Variants in AGTPBP1 observed in about 807,000 individuals in gnomAD.
AGTPBP1 encodes ATP/GTP binding carboxypeptidase 1.
A neutral mutation model predicts 143.9 loss-of-function variants in AGTPBP1; 70 were observed. The ratio of observed to expected loss-of-function variants is 0.49; its 90% confidence interval spans 0.40 to 0.59. AGTPBP1 has a LOEUF of 0.59. AGTPBP1 is among the 20% of genes least tolerant of loss of function. The pLI, the probability that AGTPBP1 is intolerant of heterozygous loss-of-function variation, is 0.00. For missense variants in AGTPBP1, 1,229 were observed against 1,464.5 expected (o/e 0.84, Z 2.62); for synonymous variants, 463 against 500.2 (o/e 0.93, Z 0.99).
intron 14 of AGTPBP1, among the ~76,000 whole-genome samples, chr9:85,628,202 T>G (rs1451326228): frequency 6.6e-6 from 1 of 152,194 alleles, no homozygotes; most frequent in Admixed American, 6.5e-5. Flanking sequence ...CTAAGTAATA[T>G]GAATAGAATC....
chr9:85,582,104 A>T (rs1019398308), intron 23 of AGTPBP1, among the ~76,000 whole-genome samples: 2 of 152,260 alleles, frequency 1.3e-5, no homozygotes, highest in Non-Finnish European at 2.9e-5. Flanking sequence ...TTGCAAAAAC[A>T]GTACAAAGAA....
At chr9:85,773,020 C>G in the AGTPBP1 span, among the ~76,000 whole-genome samples, 1 of 151,582 alleles carries the variant, frequency 6.6e-6, no homozygotes, top group South Asian at 2.1e-4. Flanking sequence ...AATCCCAGCA[C>G]TTTGGGAGGC....
At chr9:85,582,443 G>A (rs1000295297) in intron 23 of AGTPBP1, among the ~76,000 whole-genome samples, 3 of 152,114 alleles carry the variant, frequency 2.0e-5, no homozygotes, top group Admixed American at 6.5e-5. Flanking sequence ...TTGGGAGGCC[G>A]AGGCAGGCGG....
intron 17 of AGTPBP1, among the ~76,000 whole-genome samples, chr9:85,605,910 T>C (rs76032081): frequency 0.017 from 2,519 of 149,814 alleles, 30 homozygotes; most frequent in Middle Eastern, 0.056. Flanking sequence ...ACACAGAAAA[T>C]AAAAAAAGAA....
chr9:85,579,543 C>T (rs1246605241), intron 23 of AGTPBP1, among the ~76,000 whole-genome samples: 2 of 151,088 alleles, frequency 1.3e-5, no homozygotes, highest in African/African-American at 2.4e-5. Flanking sequence ...TTATCAGTTT[C>T]ACCCGAAAGC....
intron 17 of AGTPBP1, among the ~76,000 whole-genome samples, chr9:85,618,529 C>T (rs1830725367): frequency 6.7e-6 from 1 of 150,238 alleles, no homozygotes; most frequent in Non-Finnish European, 1.5e-5. Context: ...AATTTATACA[C>T]AATGACCAAG....
chr9:85,696,700 G>A (rs867685853), intron 2 of AGTPBP1, among the ~76,000 whole-genome samples: 2 of 151,770 alleles, frequency 1.3e-5, no homozygotes, highest in Non-Finnish European at 2.9e-5. Flanking sequence ...ACATTTATAA[G>A]ATTTGATTTG....
intron 19 of AGTPBP1, 107 bp from the exon 20 acceptor site, chr9:85,589,788 T>A: frequency 8.7e-7 from 1 of 1,146,770 alleles, no homozygotes; most frequent in Non-Finnish European, 1.2e-6. Context: ...ATCAGATTCT[T>A]AACCCCTTAT....
chr9:85,686,265 G>C (rs1321719559), intron 3 of AGTPBP1, among the ~76,000 whole-genome samples: 1 of 151,894 alleles, frequency 6.6e-6, no homozygotes, highest in Non-Finnish European at 1.5e-5. Context: ...GAATAGAAAA[G>C]ACTATATCAT....
the AGTPBP1 span, among the ~76,000 whole-genome samples, chr9:85,748,371 C>A: frequency 3.3e-5 from 5 of 152,198 alleles, no homozygotes; most frequent in Admixed American, 3.3e-4. Context: ...CCTCATGGCT[C>A]TGGTCTCTGC....
At chr9:85,791,049 A>G in the AGTPBP1 span, among the ~76,000 whole-genome samples, 2 of 152,218 alleles carry the variant, frequency 1.3e-5, no homozygotes, top group Non-Finnish European at 2.9e-5. Context: ...AAAGCAAGGT[A>G]TAATTTTTCA....
At chr9:85,646,835 G>A (rs1564101527) in intron 11 of AGTPBP1, among the ~76,000 whole-genome samples, 2 of 151,880 alleles carry the variant, frequency 1.3e-5, no homozygotes, top group Non-Finnish European at 2.9e-5. Context: ...TGTGTAAATC[G>A]GGTTGTCTAA....
chr9:85,606,229 T>G (rs988128995), intron 17 of AGTPBP1, among the ~76,000 whole-genome samples: 5 of 151,662 alleles, frequency 3.3e-5, no homozygotes, highest in Non-Finnish European at 5.9e-5. Context: ...ATAATCTCAT[T>G]AAAAAGTAGG....
chr9:85,748,219 C>T, the AGTPBP1 span, among the ~76,000 whole-genome samples: 1 of 152,196 alleles, frequency 6.6e-6, no homozygotes, highest in Non-Finnish European at 1.5e-5. Context: ...CAGCACAGTT[C>T]AGCACTCCCT....
chr9:85,741,968 G>A (rs1444799618), upstream of AGTPBP1: 17 of 1,245,506 alleles, frequency 1.4e-5, no homozygotes, highest in Non-Finnish European at 1.7e-5. Flanking sequence ...CGCATCCCGG[G>A]CAACGTCAGC....
the AGTPBP1 span, among the ~76,000 whole-genome samples, chr9:85,754,341 C>A: frequency 6.6e-6 from 1 of 152,314 alleles, no homozygotes; most frequent in South Asian, 2.1e-4. Flanking sequence ...CAGGTGCCCA[C>A]CACCATGCCC....
chr9:85,578,515 A>G (rs546565804), intron 24 of AGTPBP1, among the ~76,000 whole-genome samples: 1 of 152,318 alleles, frequency 6.6e-6, no homozygotes, highest in Non-Finnish European at 1.5e-5. Flanking sequence ...AAATATAACA[A>G]ACCTGCTGCT....
intron 1 of AGTPBP1, among the ~76,000 whole-genome samples, chr9:85,728,423 A>G (rs1321436895): frequency 4.6e-5 from 7 of 152,074 alleles, no homozygotes; most frequent in Non-Finnish European, 1.0e-4. Context: ...AGATTTACTG[A>G]TCTACCCCTA....
chr9:85,701,713 G>A (rs944312009), intron 2 of AGTPBP1, among the ~76,000 whole-genome samples: 13 of 152,112 alleles, frequency 8.5e-5, no homozygotes, highest in African/African-American at 2.9e-4. Flanking sequence ...CCCTCTCCAA[G>A]CCCCCATAAC....
Sources: allele counts gnomAD v4.1 joint callset (sites outside exome capture counted in the v4.1 genomes callset), GRCh38; gene constraint gnomAD v4.1.1; transcripts MANE v1.5; gene names NCBI Gene and HGNC (gene_info 2026-07-23, HGNC 2026-07-21).